Variants in ASCL2 observed in about 807,000 individuals in gnomAD.
ASCL2 encodes the protein achaete-scute homolog 2.
In ASCL2, 6 loss-of-function variants were observed where a neutral mutation model predicts 5.1. The ratio of observed to expected loss-of-function variants is 1.17; its 90% confidence interval spans 0.64 to 2.31. The LOEUF (loss-of-function observed/expected upper bound fraction) is 2.31. ASCL2 is among the 30% of genes most tolerant of loss of function. The probability of loss-of-function intolerance (pLI) is 0.00; values close to 1 mark genes in which losing one functional copy is unlikely to be tolerated. For missense variants in ASCL2, 320 were observed against 310.3 expected (o/e 1.03, Z -0.23); for synonymous variants, 174 against 157.3 (o/e 1.11, Z -0.80).
Position 2,269,783 on chromosome 11 carries a change from GT to G in ASCL2, c.549del (p.Leu184SerfsTer7). ...CCCCCTAACCAGCTGGAGAAGTCGA[GT>G]AGCTCGCGCTCCGCAGGACTCAGCG... Reference protein sequence around the residue: ...EGALSPAERELLDFSSWLGGY With the variant: ...EGALSPAEREXLDFSSWLGGY On this transcript the variant is annotated frameshift_variant, in exon 1 of 2. Transcript: ENST00000331289. LOFTEE classifies it low-confidence loss of function (END_TRUNC). 6.9e-7 allele frequency: 1 copy of G among 1,451,838 alleles called. No homozygotes were observed. Among genetic ancestry groups the G allele is most frequent in the Non-Finnish European group, 9.1e-7 (1 of 1,097,172 alleles). The allele number at this position is 1,451,838 out of a possible 1,614,324, so 89.9% of individuals were successfully genotyped here.
At position 2,270,197 on chromosome 11, in the gene ASCL2, C is replaced by G. The variant is rs1434194371; in HGVS notation, c.136G>C (p.Gly46Arg). 2.7e-6 allele frequency: 4 copies of G among 1,482,852 alleles called. No homozygotes were observed. Among genetic ancestry groups the G allele is most frequent in the East Asian group, 2.9e-5 (1 of 34,816 alleles). 91.9% of individuals were successfully genotyped at this position (1,482,852 alleles called of 1,614,324 possible). A position where few individuals can be genotyped will look rare whatever the true frequency, so the allele number is the denominator to read the frequency against. The change falls in exon 1 of 2, where the codon GGA becomes CGA. Residue 46 changes from glycine to arginine, a missense_variant. Coordinates refer to ENST00000331289, the MANE Select transcript of ASCL2 (RefSeq NM_005170.3). ...RRRRPATAET[G>R]GGAAAVARRN... is the part of the protein sequence containing the mutation. ...CGCGCTACGGCCGCTGCGCCGCCTC[C>G]GGTCTCTGCGGTGGCCGGTCGCCGC... is the stretch of plus-strand genomic sequence containing the variant.
Position 2,269,932 on chromosome 11 carries a change from G to C in ASCL2, c.401C>G (p.Pro134Arg). The C allele has an allele frequency of 7.8e-7, 1 of 1,281,566 alleles. No individual in the cohort carries two copies. Among genetic ancestry groups the C allele is most frequent in the South Asian group, 2.7e-5 (1 of 36,536 alleles). 79.4% of individuals were successfully genotyped at this position (1,281,566 alleles called of 1,614,324 possible). Reference protein sequence around the residue: ...AVRPSAPRGPPGTTPVAASPS... With the variant: ...AVRPSAPRGPRGTTPVAASPS... Reference sequence around the variant, plus strand: ...CGAGGCGGCGACCGGGGTGGTCCCTGGCGGCCCGCGGGGCGCAGACGGCCG... The same window carrying C: ...CGAGGCGGCGACCGGGGTGGTCCCTCGCGGCCCGCGGGGCGCAGACGGCCG... Residue 134 changes from proline to arginine, a missense_variant, in exon 1 of 2, where the codon CCA becomes CGA. Coordinates refer to ENST00000331289, the MANE Select transcript of ASCL2 (RefSeq NM_005170.3).
chr11:2,269,712 T>C lies in ASCL2; in HGVS notation c.*18+21A>G, dbSNP rs1216972527. ...CACCCCGGCCCCCGGCCCTCCCTCC[T>C]CCCTGCCTCCCGGCTGTTACCTCAT... On this transcript the variant is annotated intron_variant, in intron 1 of 1. Transcript: ENST00000331289. 1.1e-5 allele frequency: 8 copies of C among 744,604 alleles called. No individual in the cohort carries two copies. In the South Asian group the frequency reaches 1.2e-4, roughly 11 times the overall value. The allele number at this position is 744,604 out of a possible 1,614,324, so 46.1% of individuals were successfully genotyped here. A position where few individuals can be genotyped will look rare whatever the true frequency, so the allele number is the denominator to read the frequency against.
chr11:2,270,516 T>A lies in ASCL2; in HGVS notation c.-184A>T. The A allele has an allele frequency of 8.9e-7, 1 of 1,119,212 alleles. No homozygotes were observed. Among genetic ancestry groups the A allele is most frequent in the Non-Finnish European group, 1.1e-6 (1 of 874,804 alleles). 69.3% of individuals were successfully genotyped at this position (1,119,212 alleles called of 1,614,324 possible). On this transcript the variant is annotated 5_prime_UTR_variant, in exon 1 of 2. Transcript: ENST00000331289. ...AGCCCGGGGATAGGAGGCCTAGTGGTGGCAGGCCGTACGCGCCAGGGAGCG... is the reference window on the plus strand; with the variant it reads ...AGCCCGGGGATAGGAGGCCTAGTGGAGGCAGGCCGTACGCGCCAGGGAGCG...
rs1242289608 is a variant in ASCL2 at position 2,269,718 on chromosome 11, C to T, written c.*18+15G>A. ...GGCCCCCGGCCCTCCCTCCTCCCTGCCTCCCGGCTGTTACCTCATAGGTCG... is the reference window on the plus strand; with the variant it reads ...GGCCCCCGGCCCTCCCTCCTCCCTGTCTCCCGGCTGTTACCTCATAGGTCG... On this transcript the variant is annotated intron_variant, in intron 1 of 1. Transcript: ENST00000331289. 22 of 1,297,596 alleles carry T rather than the reference C, an allele frequency of 1.7e-5. No homozygotes were observed. The highest frequency in any genetic ancestry group is 2.2e-5 in the Non-Finnish European group (22 of 1,013,982). 80.4% of individuals were successfully genotyped at this position (1,297,596 alleles called of 1,614,324 possible).
In ASCL2 at chr11:2,270,484, C is replaced by T. The variant is rs1847237859; in HGVS notation, c.-152G>A. 1 of 1,231,732 alleles carries T rather than the reference C, an allele frequency of 8.1e-7. No homozygotes were observed. Among genetic ancestry groups the T allele is most frequent in the Admixed American group, 4.3e-5 (1 of 23,384 alleles). 76.3% of individuals were successfully genotyped at this position (1,231,732 alleles called of 1,614,324 possible). A position where few individuals can be genotyped will look rare whatever the true frequency, so the allele number is the denominator to read the frequency against. On this transcript the variant is annotated 5_prime_UTR_variant, in exon 1 of 2. Transcript: ENST00000331289. ...ACTCCCCAGGGCACGCGTCCTAGGT[C>T]GTCTGGAGCCCGGGGATAGGAGGCC...
In ASCL2 at chr11:2,270,217, C is replaced by G. The variant is rs983743909; in HGVS notation, c.116G>C (p.Arg39Pro). The G allele has an allele frequency of 6.9e-7, 1 of 1,453,322 alleles. No individual in the cohort carries two copies. The highest frequency in any genetic ancestry group is 9.0e-7 in the Non-Finnish European group (1 of 1,109,792). 90.0% of individuals were successfully genotyped at this position (1,453,322 alleles called of 1,614,324 possible). Residue 39 changes from arginine to proline, a missense_variant, in exon 1 of 2, where the codon CGA (arginine) becomes CCA (proline). Coordinates refer to ENST00000331289, the MANE Select transcript of ASCL2 (RefSeq NM_005170.3). ...GCCTCCGGTCTCTGCGGTGGCCGGTCGCCGCCGCCGGCTGCAGCGCAACAG... is the reference window on the plus strand; with the variant it reads ...GCCTCCGGTCTCTGCGGTGGCCGGTGGCCGCCGCCGGCTGCAGCGCAACAG... Reference protein sequence around the residue: ...PELLRCSRRRRPATAETGGGA... With the variant: ...PELLRCSRRRPPATAETGGGA...
At chr11:2,269,686 C>A (rs931337665) in intron 1 of ASCL2, 47 bp downstream of exon 1, 27 of 1,104,124 alleles carry the variant, frequency 2.4e-5, no homozygotes, top group Non-Finnish European at 2.4e-5. Context: ...CCCCGTCCCT[C>A]CACCCCGGCC....
chr11:2,270,263 G>A lies in ASCL2; in HGVS notation c.70C>T (p.Arg24Trp). ...PPVPVGCAAR[R>W]RPASPELLRC... is the part of the protein sequence containing the mutation. ...AACAGTTCCGGGGACGCGGGTCTCC[G>A]CCGGGCAGCGCAGCCGACAGGGACG... The change falls in exon 1 of 2, where the codon CGG (arginine) becomes TGG (tryptophan). Residue 24 changes from arginine (R) to tryptophan (W), a missense_variant. Coordinates refer to ENST00000331289, the MANE Select transcript of ASCL2 (RefSeq NM_005170.3). The A allele has an allele frequency of 2.2e-6, 3 of 1,373,652 alleles. No individual in the cohort carries two copies. The highest frequency in any genetic ancestry group is 1.9e-6 in the Non-Finnish European group (2 of 1,071,016). 85.1% of individuals were successfully genotyped at this position (1,373,652 alleles called of 1,614,324 possible). A position where few individuals can be genotyped will look rare whatever the true frequency, so the allele number is the denominator to read the frequency against.
chr11:2,269,555 G>T (rs1847223797), intron 1 of ASCL2, among the ~76,000 whole-genome samples, 178 bp downstream of exon 1: 1 of 152,172 alleles, frequency 6.6e-6, no homozygotes, highest in South Asian at 2.1e-4. Context: ...AACAAACGCC[G>T]GTCTTGCACG....
chr11:2,270,499 G>T lies in ASCL2; in HGVS notation c.-167C>A, dbSNP rs1217786757. 3 of 1,197,948 alleles carry T rather than the reference G, an allele frequency of 2.5e-6. No individual in the cohort carries two copies. The highest frequency in any genetic ancestry group is 3.2e-6 in the Non-Finnish European group (3 of 945,872). The allele number at this position is 1,197,948 out of a possible 1,614,324, so 74.2% of individuals were successfully genotyped here. A position where few individuals can be genotyped will look rare whatever the true frequency, so the allele number is the denominator to read the frequency against. On this transcript the variant is annotated 5_prime_UTR_variant, in exon 1 of 2. Coordinates refer to ENST00000331289, the MANE Select transcript of ASCL2 (RefSeq NM_005170.3). Reference sequence around the variant, plus strand: ...CGTCCTAGGTCGTCTGGAGCCCGGGGATAGGAGGCCTAGTGGTGGCAGGCC... The same window carrying T: ...CGTCCTAGGTCGTCTGGAGCCCGGGTATAGGAGGCCTAGTGGTGGCAGGCC...
At position 2,270,402 on chromosome 11, in the gene ASCL2, G is replaced by A. The variant is rs1015966315; in HGVS notation, c.-70C>T. On this transcript the variant is annotated 5_prime_UTR_variant, in exon 1 of 2. Transcript: ENST00000331289. ...GGAAGGTGCAGGCAGAGGAACCGGAGGCGACGGGGAAAACTGTGGCGCCCC... is the reference window on the plus strand; with the variant it reads ...GGAAGGTGCAGGCAGAGGAACCGGAAGCGACGGGGAAAACTGTGGCGCCCC... 1 of 1,256,262 alleles carries A rather than the reference G, an allele frequency of 8.0e-7. No homozygotes were observed. The highest frequency in any genetic ancestry group is 1.0e-6 in the Non-Finnish European group (1 of 998,764). 77.8% of individuals were successfully genotyped at this position (1,256,262 alleles called of 1,614,324 possible).
At position 2,270,292 on chromosome 11, in the gene ASCL2, G is replaced by A. The variant is rs1163250014; in HGVS notation, c.41C>T (p.Pro14Leu). 1 of 1,338,200 alleles carries A rather than the reference G, an allele frequency of 7.5e-7. No individual in the cohort carries two copies. Among genetic ancestry groups the A allele is most frequent in the East Asian group, 3.1e-5 (1 of 32,188 alleles). The allele number at this position is 1,338,200 out of a possible 1,614,324, so 82.9% of individuals were successfully genotyped here. A position where few individuals can be genotyped will look rare whatever the true frequency, so the allele number is the denominator to read the frequency against. The change falls in exon 1 of 2, where the codon CCC becomes CTC. Residue 14 changes from proline (P) to leucine (L), a missense_variant. Transcript: ENST00000331289. ...GGCAGCGCAGCCGACAGGGACGGGG[G>A]GCGCAGGGGGCGCGGACCTGGGCAG... ...GTLPRSAPPA[P>L]PVPVGCAARR...
In ASCL2 at chr11:2,270,302, G is replaced by A. The variant is rs1453827508; in HGVS notation, c.31C>T (p.Pro11Ser). Residue 11 changes from proline (P) to serine (S), a missense_variant, in exon 1 of 2, where the codon CCC (proline) becomes TCC (serine). Pro to Ser is a moderately conservative substitution (Grantham distance 74). Transcript: ENST00000331289. The stretch of plus-strand genomic sequence containing the variant: ...CCGACAGGGACGGGGGGCGCAGGGG[G>A]CGCGGACCTGGGCAGTGTGCCGCCG... MDGGTLPRSA[P>S]PAPPVPVGCA... 7 of 1,335,070 alleles carry A rather than the reference G, an allele frequency of 5.2e-6. No homozygotes were observed. Among genetic ancestry groups the A allele is most frequent in the South Asian group, 2.0e-5 (1 of 49,710 alleles). The allele number at this position is 1,335,070 out of a possible 1,614,324, so 82.7% of individuals were successfully genotyped here.
Position 2,270,288 on chromosome 11 carries a change from G to A in ASCL2, c.45C>T (p.Pro15=), listed in dbSNP as rs756555845. The A allele has an allele frequency of 3.0e-6, 4 of 1,339,146 alleles. No homozygotes were observed. The highest frequency in any genetic ancestry group is 3.9e-5 in the South Asian group (2 of 50,694). The allele number at this position is 1,339,146 out of a possible 1,614,324, so 83.0% of individuals were successfully genotyped here. The change falls in exon 1 of 2, where the codon CCC becomes CCT. Residue 15 remains proline (P), a synonymous_variant. Coordinates refer to ENST00000331289, the MANE Select transcript of ASCL2 (RefSeq NM_005170.3). ...TLPRSAPPAP[P]VPVGCAARRR... is the part of the protein sequence containing the mutation. Reference sequence around the variant, plus strand: ...GCCGGGCAGCGCAGCCGACAGGGACGGGGGGCGCAGGGGGCGCGGACCTGG... The same window carrying A: ...GCCGGGCAGCGCAGCCGACAGGGACAGGGGGCGCAGGGGGCGCGGACCTGG...
rs1847238262 is a variant in ASCL2 at position 2,270,509 on chromosome 11, C to T, written c.-177G>A. The T allele has an allele frequency of 6.0e-6, 7 of 1,158,998 alleles. No individual in the cohort carries two copies. The highest frequency in any genetic ancestry group is 7.7e-6 in the Non-Finnish European group (7 of 910,798). The allele number at this position is 1,158,998 out of a possible 1,614,324, so 71.8% of individuals were successfully genotyped here. ...CGTCTGGAGCCCGGGGATAGGAGGC[C>T]TAGTGGTGGCAGGCCGTACGCGCCA... On this transcript the variant is annotated 5_prime_UTR_variant, in exon 1 of 2. Transcript: ENST00000331289.
In ASCL2 at chr11:2,270,062, T is replaced by G; in HGVS notation, c.271A>C (p.Thr91Pro). ...GASKKLSKVE[T>P]LRSAVEYIRA... ...ATGTACTCCACGGCTGAGCGCAGCG[T>G]CTCCACCTTGCTCAGCTTCTTGCTG... The change falls in exon 1 of 2, where the codon ACG becomes CCG. Residue 91 changes from threonine to proline, a missense_variant. Physicochemically the swap from Thr to Pro is conservative, Grantham distance 38. Transcript: ENST00000331289. The G allele has an allele frequency of 6.7e-7, 1 of 1,485,994 alleles. No homozygotes were observed. The highest frequency in any genetic ancestry group is 8.9e-7 in the Non-Finnish European group (1 of 1,121,516). The allele number at this position is 1,485,994 out of a possible 1,614,324, so 92.1% of individuals were successfully genotyped here. A position where few individuals can be genotyped will look rare whatever the true frequency, so the allele number is the denominator to read the frequency against.
rs1471425758 is a variant in ASCL2, at chr11:2,270,249, G to C, written c.84C>G (p.Ser28=). The C allele has an allele frequency of 3.5e-6, 5 of 1,417,292 alleles. No homozygotes were observed. The African/African-American group carries it at 7.5e-5, about 21-fold the overall frequency. The allele number at this position is 1,417,292 out of a possible 1,614,324, so 87.8% of individuals were successfully genotyped here. Residue 28 remains serine (S), a synonymous_variant, in exon 1 of 2, where the codon TCC becomes TCG. Transcript: ENST00000331289. ...VGCAARRRPA[S]PELLRCSRRR... is the part of the protein sequence containing the mutation. ...GCCGGCTGCAGCGCAACAGTTCCGG[G>C]GACGCGGGTCTCCGCCGGGCAGCGC... is the stretch of plus-strand genomic sequence containing the variant.
At chr11:2,269,452 G>T (rs978721427) in intron 1 of ASCL2, among the ~76,000 whole-genome samples, 5 of 152,096 alleles carry the variant, frequency 3.3e-5, no homozygotes, top group Non-Finnish European at 2.9e-5. Flanking sequence ...CAGCACTAGA[G>T]ACCTCAACGG....
Sources: gnomAD v4.1 joint callset for allele counts (sites outside exome capture counted in the v4.1 genomes callset) on GRCh38, gnomAD v4.1.1 for gene constraint, MANE v1.5 for transcripts, NCBI Gene and HGNC (gene_info 2026-07-23, HGNC 2026-07-21) for gene names.